Variants in DEAF1 observed in about 807,000 individuals in gnomAD.
The protein encoded by DEAF1 is DEAF1 transcription factor.
DEAF1 carries 53 observed loss-of-function variants against 58.9 expected under a neutral mutation model. That is an observed-to-expected ratio of 0.90 (90% CI 0.72 to 1.13). The LOEUF (loss-of-function observed/expected upper bound fraction) is 1.13. Among genes scored for constraint, DEAF1 ranks in the 50% most tolerant of loss-of-function variants. The pLI is 0.00. For synonymous variants in DEAF1, 385 were observed against 340.4 expected, an observed-to-expected ratio of 1.13 and a Z score of -1.44; for missense variants, 685 against 791.4, an observed-to-expected ratio of 0.87 and a Z score of 1.61.
At chr11:686,518 GCATT>G (rs1039688739) in intron 5 of DEAF1, among the ~76,000 whole-genome samples, 20 of 152,136 alleles carry the variant, frequency 1.3e-4, no homozygotes, top group African/African-American at 4.8e-4. Flanking sequence ...AGGGTCACAC[GCATT>G]CAAACAGAAG....
chr11:661,273 C>T (rs963183272), intron 10 of DEAF1, among the ~76,000 whole-genome samples: 1 of 152,178 alleles, frequency 6.6e-6, no homozygotes, highest in African/African-American at 2.4e-5. Flanking sequence ...CCCTTGACAG[C>T]CAAGGGCATC....
At chr11:668,982 T>C (rs1227447155) in intron 10 of DEAF1, among the ~76,000 whole-genome samples, 5 of 152,066 alleles carry the variant, frequency 3.3e-5, no homozygotes, top group African/African-American at 7.2e-5. Context: ...CCTGCCACCA[T>C]GCCTGGCTAA....
intron 1 of DEAF1, chr11:703,671 C>T: frequency 2.4e-6 from 3 of 1,232,408 alleles, no homozygotes; most frequent in East Asian, 3.2e-5. Flanking sequence ...CTGAGCAACC[C>T]CAGCTCTGCC....
intron 2 of DEAF1, among the ~76,000 whole-genome samples, chr11:689,470 C>A (rs1159815042): frequency 6.6e-6 from 1 of 152,086 alleles, no homozygotes. Flanking sequence ...CTCGGCCTCC[C>A]AGAGTGCTGG....
chr11:675,271 C>A (rs950575605), intron 9 of DEAF1, among the ~76,000 whole-genome samples: 5 of 152,190 alleles, frequency 3.3e-5, no homozygotes, highest in African/African-American at 1.2e-4. Context: ...GTAATCCCTG[C>A]ACTTTGGGAG....
chr11:680,419 C>T (rs1860301360), intron 7 of DEAF1, among the ~76,000 whole-genome samples: 2 of 152,330 alleles, frequency 1.3e-5, no homozygotes, highest in South Asian at 2.1e-4. Context: ...CTATTGCTAC[C>T]TCTCCCCATT....
At chr11:689,937 G>A (rs1192848633) in intron 2 of DEAF1, 1 of 152,030 alleles carries the variant, frequency 6.6e-6, no homozygotes, top group African/African-American at 2.4e-5. Context: ...GAGGTGCCCA[G>A]ACCCCACTGC....
Position 644,585 on chromosome 11 carries a change from C to T in DEAF1, c.1663G>A (p.Val555Met), listed in dbSNP as rs532671271. ...ACCTTCTCCATCACGCTTTCAGCCA[C>T]GTGGACTTCGTCTGCCTGGACGGTG... The part of the protein sequence containing the change: ...AVTVQADEVH[V>M]AESVMEKVTV The change falls in exon 12 of 12, where the codon GTG (valine) becomes ATG (methionine). Residue 555 changes from valine to methionine, a missense_variant. Transcript: ENST00000382409. This position sits in a 1 kb window ranked among gnomAD's most constrained non-coding sequence, Gnocchi z 4.3. 20 of 1,613,182 alleles carry T rather than the reference C, an allele frequency of 1.2e-5. No individual in the cohort carries two copies. Among genetic ancestry groups the T allele is most frequent in the Admixed American group, 1.7e-5 (1 of 60,010 alleles).
In DEAF1 at chr11:644,368, G is replaced by A; in HGVS notation, c.*182C>T. The A allele has an allele frequency of 3.1e-6, 2 of 650,716 alleles. No homozygotes were observed. The highest frequency in any genetic ancestry group is 3.4e-5 in the South Asian group (2 of 58,230). The allele number at this position is 650,716 out of a possible 1,614,324, so 40.3% of individuals were successfully genotyped here. A position where few individuals can be genotyped will look rare whatever the true frequency, so the allele number is the denominator to read the frequency against. ...GCGAGCGGGCAGGGGGCCCGGGCAG[G>A]GGGAGTGCGCTTCCCAGGGCACCAT... On this transcript the variant is annotated 3_prime_UTR_variant, in exon 12 of 12. Transcript: ENST00000382409. This position sits in a 1 kb window ranked among gnomAD's most constrained non-coding sequence, Gnocchi z 4.3.
chr11:695,502 C>A, upstream of DEAF1: 2 of 902,194 alleles, frequency 2.2e-6, no homozygotes, highest in Non-Finnish European at 2.9e-6. Flanking sequence ...CGCAATTCTG[C>A]CTCTCAGAGA....
intron 5 of DEAF1, among the ~76,000 whole-genome samples, chr11:686,541 T>G (rs1187690215): frequency 6.6e-6 from 1 of 152,224 alleles, no homozygotes; most frequent in Admixed American, 6.5e-5. Flanking sequence ...AGCGATTATC[T>G]TAACTTCTAC....
chr11:691,679 CA>C, intron 1 of DEAF1, 81 bp from the exon 2 acceptor site: 1 of 1,203,796 alleles, frequency 8.3e-7, no homozygotes. Context: ...GTGCTTCAAA[CA>C]AAGTGACTCC....
chr11:685,989 A>C (rs1306393862), intron 5 of DEAF1, among the ~76,000 whole-genome samples: 1 of 151,484 alleles, frequency 6.6e-6, no homozygotes, highest in East Asian at 1.9e-4. Context: ...ATTAAAAAAT[A>C]CAAAAAAAAT....
intron 1 of DEAF1, chr11:703,370 T>C (rs1590040202): frequency 2.2e-6 from 3 of 1,389,168 alleles, no homozygotes; most frequent in Non-Finnish European, 2.8e-6. Flanking sequence ...GCGGGGAGGG[T>C]AGGGACCAGA....
chr11:691,474 T>G (rs765917060), intron 2 of DEAF1, 27 bp downstream of exon 2: 1 of 1,605,518 alleles, frequency 6.2e-7, no homozygotes, highest in Non-Finnish European at 8.5e-7. Context: ...CCACCCGCCC[T>G]GGGCTGTGCC....
At chr11:696,660 G>C (rs1031522308), upstream of DEAF1, among the ~76,000 whole-genome samples, 2 of 146,332 alleles carry the variant, frequency 1.4e-5, no homozygotes, top group African/African-American at 5.1e-5. Context: ...AAGCTATTCT[G>C]GAGGCTGAGG....
At chr11:657,111 C>G (rs886237185) in intron 10 of DEAF1, among the ~76,000 whole-genome samples, 1 of 129,448 alleles carries the variant, frequency 7.7e-6, no homozygotes, top group East Asian at 2.7e-4. Context: ...GCACCGGACC[C>G]ACCTGGCACC....
chr11:695,630 C>A, upstream of DEAF1: 8 of 1,245,068 alleles, frequency 6.4e-6, no homozygotes, highest in Non-Finnish European at 8.1e-6. Flanking sequence ...CGTCGGTTCT[C>A]CACCTCTTCC....
At chr11:681,399 T>C (rs1181673606) in intron 6 of DEAF1, among the ~76,000 whole-genome samples, 4 of 135,422 alleles carry the variant, frequency 3.0e-5, no homozygotes, top group African/African-American at 1.1e-4. Flanking sequence ...ACCCGGCTAA[T>C]TTTCTTTCTT....
Sources: gnomAD v4.1 joint callset for allele counts (sites outside exome capture counted in the v4.1 genomes callset) on GRCh38, gnomAD v4.1.1 for gene constraint, Gnocchi (gnomAD v3.1) non-coding constraint, MANE v1.5 for transcripts, NCBI Gene and HGNC (gene_info 2026-07-23, HGNC 2026-07-21) for gene names.